The following PLBD1 variants were observed in gnomAD, a reference collection of about 807,000 sequenced individuals.
PLBD1 encodes the protein lysosomal leucine aminopeptidase.
In PLBD1, 60 loss-of-function variants were observed where a neutral mutation model predicts 63.0. The observed-to-expected ratio is 0.95, with a 90% CI of 0.77 to 1.18. The LOEUF (loss-of-function observed/expected upper bound fraction) is 1.18. PLBD1 is among the 50% of genes most tolerant of loss of function. The pLI is 0.00. For synonymous variants in PLBD1, 262 were observed against 248.0 expected, an observed-to-expected ratio of 1.06 and a Z score of -0.53; for missense variants, 598 against 677.9, an observed-to-expected ratio of 0.88 and a Z score of 1.31.
intron 6 of PLBD1, among the ~76,000 whole-genome samples, chr12:14,514,808 A>G (rs1945326018): frequency 6.6e-6 from 1 of 151,708 alleles, no homozygotes; most frequent in Non-Finnish European, 1.5e-5. Context: ...TTAGAGTTCA[A>G]GGGATCCTCC....
chr12:14,530,658 T>C (rs1945452188), intron 6 of PLBD1, among the ~76,000 whole-genome samples: 1 of 152,234 alleles, frequency 6.6e-6, no homozygotes, highest in African/African-American at 2.4e-5. Flanking sequence ...GAAGACTCAA[T>C]GTTGTTGACA....
intron 1 of PLBD1, among the ~76,000 whole-genome samples, chr12:14,561,605 A>T (rs1451544032): frequency 6.6e-6 from 1 of 152,138 alleles, no homozygotes; most frequent in Non-Finnish European, 1.5e-5. Flanking sequence ...CCAAGGCTGG[A>T]ATGCAATGGC....
Position 14,503,668 on chromosome 12 carries a change from G to C in PLBD1, c.*104C>G. On this transcript the variant is annotated 3_prime_UTR_variant, in exon 11 of 11. Coordinates refer to ENST00000240617, the MANE Select transcript of PLBD1 (RefSeq NM_024829.6). The stretch of plus-strand genomic sequence containing the variant: ...AACAAAGTCAGTGGGAAATGAAAGT[G>C]ACAAATTAATATATTTTATTGCATA... 8.7e-7 allele frequency: 1 copy of C among 1,156,028 alleles called. No individual in the cohort carries two copies. The highest frequency in any genetic ancestry group is 1.2e-6 in the Non-Finnish European group (1 of 813,692). 71.6% of individuals were successfully genotyped at this position (1,156,028 alleles called of 1,614,324 possible).
chr12:14,549,606 A>T (rs925446782), intron 2 of PLBD1, among the ~76,000 whole-genome samples: 9 of 151,778 alleles, frequency 5.9e-5, no homozygotes, highest in Non-Finnish European at 1.5e-5. Context: ...CATGGCCCCC[A>T]TTTGCCTTTT....
At chr12:14,553,114 A>G in intron 2 of PLBD1, 79 bp downstream of exon 2, 1 of 1,241,630 alleles carries the variant, frequency 8.1e-7, no homozygotes, top group South Asian at 1.3e-5. Flanking sequence ...GTGCAATGCC[A>G]GGAAGATGAG....
At chr12:14,537,962 G>T (rs1387231338) in intron 4 of PLBD1, among the ~76,000 whole-genome samples, 1 of 151,858 alleles carries the variant, frequency 6.6e-6, no homozygotes, top group East Asian at 1.9e-4. Flanking sequence ...TGCATATACT[G>T]CCAGAGTTTT....
At chr12:14,544,105 C>T (rs189591929) in intron 2 of PLBD1, among the ~76,000 whole-genome samples, 6 of 151,890 alleles carry the variant, frequency 4.0e-5, no homozygotes, top group Admixed American at 2.0e-4. Flanking sequence ...AGATTGTTCC[C>T]TTTATCTTCA....
intron 2 of PLBD1, among the ~76,000 whole-genome samples, chr12:14,546,732 A>G (rs559712551): frequency 1.3e-5 from 2 of 152,356 alleles, no homozygotes; most frequent in African/African-American, 4.8e-5. Flanking sequence ...TATTGCCTAG[A>G]TGGGAAAATC....
intron 1 of PLBD1, chr12:14,553,746 G>T: frequency 2.8e-6 from 1 of 358,570 alleles, no homozygotes; most frequent in Non-Finnish European, 5.3e-6. Flanking sequence ...GAGCTTGTTT[G>T]GAGGTTCTCG....
chr12:14,562,807 C>T (rs915764061), intron 1 of PLBD1, among the ~76,000 whole-genome samples: 1 of 152,144 alleles, frequency 6.6e-6, no homozygotes, highest in Non-Finnish European at 1.5e-5. Context: ...GGTACCACTA[C>T]CTCTTTTATT....
chr12:14,558,950 A>T (rs1475202655), intron 1 of PLBD1, among the ~76,000 whole-genome samples: 1 of 152,230 alleles, frequency 6.6e-6, no homozygotes, highest in African/African-American at 2.4e-5. Context: ...CTTTGAGAAT[A>T]AAGCCAAAAT....
intron 6 of PLBD1, among the ~76,000 whole-genome samples, chr12:14,527,940 CA>C (rs1042986464): frequency 1.7e-3 from 242 of 138,498 alleles, no homozygotes; most frequent in Middle Eastern, 8.0e-3. Flanking sequence ...GTACTAGAGA[CA>C]AAAAAAAAAG....
intron 1 of PLBD1, among the ~76,000 whole-genome samples, chr12:14,557,581 G>A (rs577301403): frequency 6.6e-6 from 1 of 152,272 alleles, no homozygotes; most frequent in East Asian, 1.9e-4. Flanking sequence ...AATACTGCAT[G>A]CTCTCACTTA....
intron 6 of PLBD1, among the ~76,000 whole-genome samples, chr12:14,519,346 C>T (rs1045102691): frequency 3.9e-5 from 6 of 152,044 alleles, no homozygotes; most frequent in African/African-American, 9.7e-5. Flanking sequence ...GTGAGCCGGG[C>T]GTGGTGGCTC....
chr12:14,566,889 G>T (rs1024775095), intron 1 of PLBD1, among the ~76,000 whole-genome samples: 1 of 151,726 alleles, frequency 6.6e-6, no homozygotes, highest in Admixed American at 6.6e-5. Context: ...CGAGTCAGGC[G>T]TTCGAGACCA....
intron 6 of PLBD1, among the ~76,000 whole-genome samples, chr12:14,519,263 G>C (rs1945357970): frequency 6.6e-6 from 1 of 152,094 alleles, no homozygotes; most frequent in African/African-American, 2.4e-5. Context: ...CATTAAAAAG[G>C]TAATTAAGGT....
chr12:14,513,880 C>T (rs980551566), intron 6 of PLBD1, among the ~76,000 whole-genome samples: 10 of 151,592 alleles, frequency 6.6e-5, no homozygotes, highest in South Asian at 4.2e-4. Context: ...CCTGGGTTCA[C>T]GCCATTCTCC....
At chr12:14,519,574 G>A (rs1480463466) in intron 6 of PLBD1, among the ~76,000 whole-genome samples, 6 of 148,950 alleles carry the variant, frequency 4.0e-5, no homozygotes, top group African/African-American at 7.5e-5. Context: ...AGCTGAGATC[G>A]CACCACTGCA....
chr12:14,556,775 A>G (rs7957221), intron 1 of PLBD1, among the ~76,000 whole-genome samples: 1 of 149,094 alleles, frequency 6.7e-6, no homozygotes, highest in Non-Finnish European at 1.5e-5. Flanking sequence ...ACCTGAGGTC[A>G]GGAGTTTGAG....
Sources: gnomAD v4.1 joint callset for allele counts (sites outside exome capture counted in the v4.1 genomes callset) on GRCh38, gnomAD v4.1.1 for gene constraint, MANE v1.5 for transcripts, NCBI Gene and HGNC (gene_info 2026-07-23, HGNC 2026-07-21) for gene names.